Variants in PCDH15 observed in about 807,000 individuals in gnomAD.
PCDH15 encodes protocadherin-15.
In PCDH15, 129 loss-of-function variants were observed where a neutral mutation model predicts 178.5. That is an observed-to-expected ratio of 0.72 (90% CI 0.63 to 0.84). The LOEUF (loss-of-function observed/expected upper bound fraction) is 0.84, where lower values mean the gene tolerates loss of function less well. Among genes scored for constraint, PCDH15 ranks in the 40% least tolerant of loss-of-function variants. PCDH15 has a pLI of 0.00. For synonymous variants in PCDH15, 800 were observed against 732.0 expected, an observed-to-expected ratio of 1.09 and a Z score of -1.50; for missense variants, 2,230 against 2,099.9, an observed-to-expected ratio of 1.06 and a Z score of -1.21.
At chr10:54,540,364 G>A (rs1273996814) in intron 2 of PCDH15, among the ~76,000 whole-genome samples, 1 of 152,080 alleles carries the variant, frequency 6.6e-6, no homozygotes, top group Non-Finnish European at 1.5e-5. Context: ...AAAATCCTCA[G>A]AGACTATTAT....
At chr10:55,341,963 T>C (rs1844612609) in intron 2 of PCDH15, among the ~76,000 whole-genome samples, 1 of 150,242 alleles carries the variant, frequency 6.7e-6, no homozygotes, top group East Asian at 2.0e-4. Context: ...TTTTTTTTAA[T>C]TGATCAAGTT....
intron 1 of PCDH15, among the ~76,000 whole-genome samples, chr10:55,307,552 A>C (rs1408939883): frequency 6.6e-6 from 1 of 151,808 alleles, no homozygotes; most frequent in Non-Finnish European, 1.5e-5. Flanking sequence ...GTTAATCTTA[A>C]ATTAATCTTA....
intron 15 of PCDH15, among the ~76,000 whole-genome samples, chr10:54,103,280 T>C (rs945682877): frequency 1.3e-5 from 2 of 152,214 alleles, no homozygotes; most frequent in Middle Eastern, 3.2e-3. Context: ...CCTGATTAAT[T>C]AGCCAATGTC....
intron 3 of PCDH15, among the ~76,000 whole-genome samples, chr10:54,407,116 A>C (rs1952784333): frequency 6.6e-6 from 1 of 152,126 alleles, no homozygotes; most frequent in East Asian, 1.9e-4. Context: ...TAATTACATG[A>C]AGTGCTCAAT....
chr10:54,317,017 GGTAAAAAAATAAAAT>G (rs2061318775), intron 8 of PCDH15, among the ~76,000 whole-genome samples: 1 of 151,600 alleles, frequency 6.6e-6, no homozygotes, highest in South Asian at 2.1e-4. Context: ...GTGATTTATT[GGTAAAAAAATAAAAT>G]AAAATAACCA....
chr10:53,823,423 A>ATGTT, intron 32 of PCDH15: 1 of 1,419,724 alleles, frequency 7.0e-7, no homozygotes. Flanking sequence ...CATGAGAAAG[A>ATGTT]TGTTTTTATG....
intron 8 of PCDH15, among the ~76,000 whole-genome samples, chr10:54,283,011 A>G (rs943023720): frequency 6.6e-6 from 1 of 152,156 alleles, no homozygotes; most frequent in Non-Finnish European, 1.5e-5. Flanking sequence ...AGACCTTACT[A>G]TGAAAAAAAG....
intron 1 of PCDH15, among the ~76,000 whole-genome samples, chr10:55,200,868 C>T (rs1263247147): frequency 6.6e-6 from 1 of 152,014 alleles, no homozygotes; most frequent in Non-Finnish European, 1.5e-5. Context: ...CCCCTTCTGC[C>T]ATGATTATAA....
At chr10:54,334,175 A>G (rs960765649) in intron 6 of PCDH15, among the ~76,000 whole-genome samples, 12 of 152,160 alleles carry the variant, frequency 7.9e-5, no homozygotes, top group African/African-American at 2.7e-4. Flanking sequence ...AGGTCCACTC[A>G]CTACTTTCTG....
intron 26 of PCDH15, among the ~76,000 whole-genome samples, chr10:53,889,779 A>G (rs1158681150): frequency 6.6e-6 from 1 of 152,202 alleles, no homozygotes; most frequent in East Asian, 1.9e-4. Flanking sequence ...TATTTGTACA[A>G]TGAAATTCTC....
intron 8 of PCDH15, among the ~76,000 whole-genome samples, chr10:54,306,115 A>T (rs974436411): frequency 6.6e-6 from 1 of 150,540 alleles, no homozygotes; most frequent in African/African-American, 2.4e-5. Context: ...CCTGGTAGAC[A>T]CCCATAGTAA....
chr10:54,211,835 A>G (rs539402365), intron 10 of PCDH15, among the ~76,000 whole-genome samples: 2 of 152,260 alleles, frequency 1.3e-5, no homozygotes, highest in South Asian at 4.1e-4. Context: ...GAACAATGCC[A>G]CAATACTCAG....
chr10:54,736,022 A>T (rs1472633657), intron 1 of PCDH15, among the ~76,000 whole-genome samples: 3 of 152,006 alleles, frequency 2.0e-5, no homozygotes, highest in African/African-American at 7.2e-5. Flanking sequence ...ATAATTAAAA[A>T]AAAAAAGAAA....
At chr10:54,170,079 A>G (rs564344931) in intron 13 of PCDH15, among the ~76,000 whole-genome samples, 2 of 136,390 alleles carry the variant, frequency 1.5e-5, no homozygotes, top group East Asian at 3.9e-4. Flanking sequence ...TGACCCTGAC[A>G]CCCATCAAGC....
At chr10:55,314,941 T>C (rs1318831417) in intron 1 of PCDH15, among the ~76,000 whole-genome samples, 2 of 152,174 alleles carry the variant, frequency 1.3e-5, no homozygotes, top group African/African-American at 4.8e-5. Flanking sequence ...TTATTAAGAA[T>C]CACAGAAACA....
At chr10:54,612,440 T>C (rs114103471) in intron 2 of PCDH15, among the ~76,000 whole-genome samples, 1,926 of 151,862 alleles carry the variant, frequency 0.013, 44 homozygotes, top group African/African-American at 0.044. Flanking sequence ...CTTAAATAAG[T>C]GTTTTTTCTC....
chr10:54,771,925 T>C (rs947558085), intron 1 of PCDH15, among the ~76,000 whole-genome samples: 5 of 152,160 alleles, frequency 3.3e-5, no homozygotes, highest in African/African-American at 1.2e-4. Context: ...AAAATCTACC[T>C]TATTGTACCA....
At chr10:54,210,810 G>C (rs538104978) in intron 10 of PCDH15, among the ~76,000 whole-genome samples, 33 of 151,772 alleles carry the variant, frequency 2.2e-4, no homozygotes, top group Non-Finnish European at 3.5e-4. Flanking sequence ...CAGCATGCTA[G>C]ATAGAATAAG....
At chr10:55,335,566 T>G (rs559296356) in intron 2 of PCDH15, among the ~76,000 whole-genome samples, 37 of 152,236 alleles carry the variant, frequency 2.4e-4, no homozygotes, top group Middle Eastern at 3.4e-3. Flanking sequence ...AATTTGCTTG[T>G]GGTAATTAAG....
Sources: gnomAD v4.1 joint callset for allele counts (sites outside exome capture counted in the v4.1 genomes callset) on GRCh38, gnomAD v4.1.1 for gene constraint, MANE v1.5 for transcripts, NCBI Gene and HGNC (gene_info 2026-07-23, HGNC 2026-07-21) for gene names.